MAF: variants seen among roughly 807,000 people sequenced by gnomAD.
MAF encodes transcription factor Maf.
A neutral mutation model predicts 22.0 loss-of-function variants in MAF; 10 were observed. That is an observed-to-expected ratio of 0.45 (90% CI 0.28 to 0.77). The LOEUF (loss-of-function observed/expected upper bound fraction) is 0.77. Among genes scored for constraint, MAF ranks in the 30% least tolerant of loss-of-function variants. The probability of loss-of-function intolerance (pLI) is 0.12; values close to 1 mark genes in which losing one functional copy is unlikely to be tolerated. For missense variants in MAF, 544 were observed against 548.4 expected (o/e 0.99, Z 0.08); for synonymous variants, 337 against 255.8 (o/e 1.32, Z -3.03).
chr16:79,353,912 A>T, the MAF span, among the ~76,000 whole-genome samples: 1 of 152,136 alleles, frequency 6.6e-6, no homozygotes, highest in East Asian at 1.9e-4. Flanking sequence ...CTTTCTGGGG[A>T]TCACTGCACA....
At chr16:79,214,496 C>T in the MAF span, among the ~76,000 whole-genome samples, 3 of 152,160 alleles carry the variant, frequency 2.0e-5, no homozygotes, top group African/African-American at 7.2e-5. Context: ...ACCTCCACCT[C>T]CCAGGTTCAC....
At chr16:79,346,532 A>G in the MAF span, among the ~76,000 whole-genome samples, 1 of 152,220 alleles carries the variant, frequency 6.6e-6, no homozygotes, top group Admixed American at 6.5e-5. Flanking sequence ...TTTCACATTT[A>G]AATCCAAATA....
At chr16:79,530,845 G>C in the MAF span, among the ~76,000 whole-genome samples, 12 of 152,190 alleles carry the variant, frequency 7.9e-5, no homozygotes, top group Admixed American at 7.9e-4. Flanking sequence ...AGGTCTATGG[G>C]TGGAAGGAAT....
the MAF span, among the ~76,000 whole-genome samples, chr16:79,356,278 A>C: frequency 1.3e-5 from 2 of 152,092 alleles, no homozygotes; most frequent in East Asian, 3.9e-4. Context: ...ACAGCTCTCT[A>C]AAACCCAGTT....
the MAF span, among the ~76,000 whole-genome samples, chr16:79,235,368 C>G: frequency 6.6e-6 from 1 of 151,850 alleles, no homozygotes; most frequent in African/African-American, 2.4e-5. Flanking sequence ...GCCTGGGGAA[C>G]ATATCAAGAT....
At chr16:79,297,318 ACG>A in the MAF span, among the ~76,000 whole-genome samples, 1 of 152,204 alleles carries the variant, frequency 6.6e-6, no homozygotes, top group Non-Finnish European at 1.5e-5. Flanking sequence ...AAATAGCAAA[ACG>A]GCGGCAAATG....
the MAF span, among the ~76,000 whole-genome samples, chr16:79,546,695 C>G: frequency 6.6e-6 from 1 of 152,090 alleles, no homozygotes. Context: ...AGACAGGGAG[C>G]TTGCTTTCTT....
the MAF span, among the ~76,000 whole-genome samples, chr16:79,569,460 T>A: frequency 2.0e-5 from 3 of 152,226 alleles, no homozygotes; most frequent in Admixed American, 1.3e-4. Flanking sequence ...CAAATCCTGC[T>A]TTAGTTACTG....
chr16:79,227,379 C>G, the MAF span, among the ~76,000 whole-genome samples: 1 of 152,066 alleles, frequency 6.6e-6, no homozygotes, highest in Non-Finnish European at 1.5e-5. Flanking sequence ...AACAAAACAA[C>G]TGGCTGGTTG....
the MAF span, among the ~76,000 whole-genome samples, chr16:79,259,212 T>C: frequency 0.14 from 20,833 of 152,164 alleles, 1,996 homozygotes; most frequent in African/African-American, 0.27. Flanking sequence ...TTCCTGGCTC[T>C]GCTCAGTCCC....
chr16:79,423,739 G>A, the MAF span, among the ~76,000 whole-genome samples: 6 of 152,164 alleles, frequency 3.9e-5, no homozygotes, highest in Non-Finnish European at 5.9e-5. Context: ...AGGAATCAAA[G>A]TGCAAGAGCT....
At chr16:79,453,735 A>G in the MAF span, among the ~76,000 whole-genome samples, 1 of 152,210 alleles carries the variant, frequency 6.6e-6, no homozygotes, top group African/African-American at 2.4e-5. Context: ...GAACAGCACC[A>G]ATAGAACGTC....
chr16:79,437,847 T>G, the MAF span, among the ~76,000 whole-genome samples: 1 of 152,068 alleles, frequency 6.6e-6, no homozygotes, highest in African/African-American at 2.4e-5. Context: ...GGGAAGGGGG[T>G]TCCCACATGC....
At chr16:79,531,617 T>C in the MAF span, among the ~76,000 whole-genome samples, 1 of 152,232 alleles carries the variant, frequency 6.6e-6, no homozygotes, top group Middle Eastern at 3.4e-3. Flanking sequence ...GGGCACAACC[T>C]AGATCCCTTG....
At chr16:79,304,589 C>T in the MAF span, among the ~76,000 whole-genome samples, 52 of 152,158 alleles carry the variant, frequency 3.4e-4, no homozygotes, top group South Asian at 9.6e-3. Context: ...AAAGATAAGT[C>T]AGTGAGAGCA....
At chr16:79,357,413 C>T in the MAF span, among the ~76,000 whole-genome samples, 3 of 152,282 alleles carry the variant, frequency 2.0e-5, no homozygotes, top group African/African-American at 7.2e-5. Flanking sequence ...GTTGGGGCAA[C>T]AGAGTGAGAC....
At chr16:79,483,038 C>CTTTG in the MAF span, among the ~76,000 whole-genome samples, 7 of 25,914 alleles carry the variant, frequency 2.7e-4, no homozygotes, top group East Asian at 1.2e-3. Context: ...CCCTCCCTCC[C>CTTTG]TCCCCTCCCT....
chr16:79,535,586 CTT>C, the MAF span, among the ~76,000 whole-genome samples: 3 of 130,572 alleles, frequency 2.3e-5, no homozygotes, highest in Admixed American at 8.0e-5. Context: ...ATTGCTTCTT[CTT>C]TTTTTTTTTT....
chr16:79,355,086 A>T, the MAF span, among the ~76,000 whole-genome samples: 6 of 152,198 alleles, frequency 3.9e-5, no homozygotes, highest in African/African-American at 1.4e-4. Flanking sequence ...TTTCCCCCTC[A>T]TCTATTTCAA....
Sources: allele counts gnomAD v4.1 joint callset (sites outside exome capture counted in the v4.1 genomes callset), GRCh38; gene constraint gnomAD v4.1.1; transcripts MANE v1.5; gene names NCBI Gene and HGNC (gene_info 2026-07-23, HGNC 2026-07-21).